Variants in HACE1 observed in about 807,000 individuals in gnomAD.
HACE1 encodes the protein HECT domain and ankyrin repeat containing E3 ubiquitin protein ligase 1, also known as E3 ubiquitin-protein ligase HACE1.
In HACE1, 73 loss-of-function variants were observed where a neutral mutation model predicts 118.4. The observed-to-expected ratio is 0.62, with a 90% CI of 0.51 to 0.75. The LOEUF (loss-of-function observed/expected upper bound fraction) is 0.75, where lower values mean the gene tolerates loss of function less well. HACE1 is among the 30% of genes least tolerant of loss of function. The probability of loss-of-function intolerance (pLI) is 0.00; values close to 1 mark genes in which losing one functional copy is unlikely to be tolerated. For synonymous variants in HACE1, 368 were observed against 374.8 expected (o/e 0.98, Z 0.21); for missense variants, 749 against 1,102.2 (o/e 0.68, Z 4.54).
intron 6 of HACE1, among the ~76,000 whole-genome samples, chr6:104,827,320 C>T (rs963268291): frequency 6.6e-6 from 1 of 152,122 alleles, no homozygotes; most frequent in African/African-American, 2.4e-5. Flanking sequence ...AGTGTCCTTA[C>T]TTTTTTTATT....
intron 11 of HACE1, among the ~76,000 whole-genome samples, chr6:104,788,406 A>C (rs1782661031): frequency 6.6e-6 from 1 of 152,110 alleles, no homozygotes; most frequent in Non-Finnish European, 1.5e-5. Context: ...CATATTTCAA[A>C]ATATACAATC....
chr6:104,769,733 A>G (rs1050329537), intron 19 of HACE1, among the ~76,000 whole-genome samples: 3 of 152,224 alleles, frequency 2.0e-5, no homozygotes, highest in Admixed American at 2.0e-4. Context: ...TTTGCCATTA[A>G]CTCTTTAGGA....
intron 1 of HACE1, among the ~76,000 whole-genome samples, chr6:104,853,210 C>T (rs771141564): frequency 6.6e-6 from 1 of 152,200 alleles, no homozygotes; most frequent in East Asian, 1.9e-4. Context: ...GACTCTTACT[C>T]GATGCTGGTG....
intron 18 of HACE1, 143 bp downstream of exon 18, chr6:104,771,781 AC>A: frequency 1.6e-6 from 1 of 613,368 alleles, no homozygotes; most frequent in South Asian, 2.4e-5. Context: ...TCTCCTTCAA[AC>A]CCCGAATGGC....
chr6:104,793,221 C>T (rs531239833), intron 10 of HACE1, among the ~76,000 whole-genome samples: 1 of 148,340 alleles, frequency 6.7e-6, no homozygotes, highest in African/African-American at 2.5e-5. Context: ...AAGCCGAGAT[C>T]GCGCCACTGC....
chr6:104,834,391 A>G lies in HACE1; in HGVS notation c.403-1218T>C, dbSNP rs548446207. Among the ~76,000 whole-genome samples, 7 of 152,342 alleles carry G rather than the reference A, an allele frequency of 4.6e-5. No individual in the cohort carries two copies. In the South Asian group the frequency reaches 1.2e-3, roughly 27 times the overall value. ...TACAAGTAACACATGTATCTTACAT[A>G]AATAAAGGAGGGTAAAAAATATATA... On this transcript the variant is annotated intron_variant, in intron 5 of 23. Coordinates refer to ENST00000262903, the MANE Select transcript of HACE1 (RefSeq NM_020771.4).
At chr6:104,795,438 CAAACA>C (rs1301573937) in intron 10 of HACE1, 136 bp downstream of exon 10, 11 of 691,324 alleles carry the variant, frequency 1.6e-5, no homozygotes, top group Non-Finnish European at 2.9e-5. Context: ...CTGGTCCTTT[CAAACA>C]AAACAAACCA....
At position 104,809,170 on chromosome 6, in the gene HACE1, C is replaced by T. The variant is rs182101545; in HGVS notation, c.617+2141G>A. Reference sequence around the variant, plus strand: ...CATCTAAGTGCAAAACACTGTACTACACTTTGGACATAAAGTGGTAAAATA... The same window carrying T: ...CATCTAAGTGCAAAACACTGTACTATACTTTGGACATAAAGTGGTAAAATA... On this transcript the variant is annotated intron_variant, in intron 7 of 23. Coordinates refer to ENST00000262903, the MANE Select transcript of HACE1 (RefSeq NM_020771.4). Among the ~76,000 whole-genome samples, 23 of 152,288 alleles carry T rather than the reference C, an allele frequency of 1.5e-4. No individual in the cohort carries two copies. The East Asian group carries it at 2.3e-3, about 15-fold the overall frequency.
chr6:104,821,874 A>G (rs1432352249), intron 6 of HACE1, among the ~76,000 whole-genome samples: 1 of 152,160 alleles, frequency 6.6e-6, no homozygotes, highest in Admixed American at 6.6e-5. Context: ...CCTACTAAAT[A>G]ACTATTACAG....
intron 5 of HACE1, among the ~76,000 whole-genome samples, chr6:104,841,207 C>G (rs1775091287): frequency 6.6e-6 from 1 of 151,652 alleles, no homozygotes; most frequent in South Asian, 2.1e-4. Flanking sequence ...CTGTTTTCTA[C>G]AAGCCAGGTA....
chr6:104,738,343 G>C (rs1427886736), intron 22 of HACE1, among the ~76,000 whole-genome samples: 5 of 136,080 alleles, frequency 3.7e-5, no homozygotes, highest in African/African-American at 1.4e-4. Flanking sequence ...GCTGAGAGAA[G>C]AAGGCTTCAG....
At chr6:104,859,529 C>T (rs1777096995) in intron 1 of HACE1, 38 bp downstream of exon 1, 1 of 1,462,480 alleles carries the variant, frequency 6.8e-7, no homozygotes, top group Non-Finnish European at 9.1e-7. Flanking sequence ...TGGCCGCCCC[C>T]AGCCCCGCGG....
chr6:104,757,098 G>A (rs1778794951), intron 19 of HACE1, among the ~76,000 whole-genome samples: 1 of 152,148 alleles, frequency 6.6e-6, no homozygotes, highest in African/African-American at 2.4e-5. Flanking sequence ...AGCTCAGCAA[G>A]GCCTACTGCC....
chr6:104,739,503 C>T (rs1335450452), intron 22 of HACE1, among the ~76,000 whole-genome samples: 1 of 151,838 alleles, frequency 6.6e-6, no homozygotes, highest in Non-Finnish European at 1.5e-5. Context: ...CAAAAAAAGG[C>T]AGGGGTTGCA....
At chr6:104,771,527 G>A in intron 18 of HACE1, 138 bp from the exon 19 acceptor site, 1 of 624,688 alleles carries the variant, frequency 1.6e-6, no homozygotes. Flanking sequence ...TATTTTAAAT[G>A]GATTCCTGAA....
At chr6:104,764,489 G>C (rs1779756296) in intron 19 of HACE1, among the ~76,000 whole-genome samples, 1 of 152,198 alleles carries the variant, frequency 6.6e-6, no homozygotes, top group Admixed American at 6.5e-5. Flanking sequence ...GTTTCCTCCA[G>C]GGTTATCTGC....
In HACE1 at chr6:104,859,749, G is replaced by C; in HGVS notation, c.-107C>G. On this transcript the variant is annotated 5_prime_UTR_variant, in exon 1 of 24. Transcript: ENST00000262903. Reference sequence around the variant, plus strand: ...GCCCGTCCAGCAGGCGGAGACGCGGGCTTGCCCCGGCTAGAGCACTGAGCT... The same window carrying C: ...GCCCGTCCAGCAGGCGGAGACGCGGCCTTGCCCCGGCTAGAGCACTGAGCT... 9.7e-7 allele frequency: 1 copy of C among 1,035,940 alleles called. No homozygotes were observed. Among genetic ancestry groups the C allele is most frequent in the Non-Finnish European group, 1.4e-6 (1 of 715,532 alleles). The allele number at this position is 1,035,940 out of a possible 1,614,324, so 64.2% of individuals were successfully genotyped here.
intron 19 of HACE1, among the ~76,000 whole-genome samples, chr6:104,769,521 C>A (rs1228950272): frequency 6.6e-6 from 1 of 152,034 alleles, no homozygotes; most frequent in South Asian, 2.1e-4. Flanking sequence ...GGTGAACAAT[C>A]TAAAAAAAGA....
chr6:104,784,574 G>T, intron 12 of HACE1, 89 bp from the exon 13 acceptor site: 1 of 887,658 alleles, frequency 1.1e-6, no homozygotes, highest in Non-Finnish European at 1.8e-6. Flanking sequence ...GAACTGGACT[G>T]GCTTCTAAAC....
Sources: gnomAD v4.1 joint callset for allele counts (sites outside exome capture counted in the v4.1 genomes callset) on GRCh38, gnomAD v4.1.1 for gene constraint, MANE v1.5 for transcripts, NCBI Gene and HGNC (gene_info 2026-07-23, HGNC 2026-07-21) for gene names.